Variants in LAMB1 observed in about 807,000 individuals in gnomAD.
LAMB1 encodes the protein laminin subunit beta-1.
A neutral mutation model predicts 222.3 loss-of-function variants in LAMB1; 121 were observed. The ratio of observed to expected loss-of-function variants is 0.54; its 90% confidence interval spans 0.47 to 0.63. The LOEUF (loss-of-function observed/expected upper bound fraction) is 0.63. Among genes scored for constraint, LAMB1 ranks in the 30% least tolerant of loss-of-function variants. The pLI is 0.00. For synonymous variants in LAMB1, 794 were observed against 807.2 expected (o/e 0.98, Z 0.28); for missense variants, 2,172 against 2,240.8 (o/e 0.97, Z 0.62).
intron 11 of LAMB1, 67 bp from the exon 12 acceptor site, chr7:107,975,165 G>C (rs906405711): frequency 2.3e-5 from 36 of 1,561,480 alleles, no homozygotes; most frequent in Non-Finnish European, 3.0e-5. Context: ...ATCTGGCTTT[G>C]GAATTACAAA....
At chr7:107,933,492 T>C (rs927965965) in intron 27 of LAMB1, among the ~76,000 whole-genome samples, 1 of 152,150 alleles carries the variant, frequency 6.6e-6, no homozygotes, top group Non-Finnish European at 1.5e-5. Context: ...TTCTGCATGC[T>C]GTAAAACATG....
chr7:108,001,809 G>C, intron 2 of LAMB1, 76 bp from the exon 3 acceptor site: 1 of 1,578,278 alleles, frequency 6.3e-7, no homozygotes, highest in East Asian at 2.3e-5. Context: ...ACAAGCGGGG[G>C]CGGGGGAGTG....
Position 108,002,849 on chromosome 7 carries a change from C to G in LAMB1, c.37G>C (p.Ala13Pro). Residue 13 changes from alanine (A) to proline (P), a missense_variant and splice_region_variant, in exon 2 of 34, where the codon GCC (alanine) becomes CCC (proline). By Grantham distance (27) the Ala-to-Pro change is conservative. Transcript: ENST00000222399. ...CCCCGCACCGTTTCCACGGAATTAC[C>G]TAAGAAACTGAAAGCTAGCAACTGG... Reference protein sequence around the residue: ...LLQLLAFSFLALCRARVRAQE... With the variant: ...LLQLLAFSFLPLCRARVRAQE... 1 of 1,614,150 alleles carries G rather than the reference C, an allele frequency of 6.2e-7. No individual in the cohort carries two copies. Among genetic ancestry groups the G allele is most frequent in the Non-Finnish European group, 8.5e-7 (1 of 1,180,010 alleles).
Position 107,998,464 on chromosome 7 carries a change from GA to G in LAMB1, c.241del (p.Ser81ProfsTer9), listed in dbSNP as rs1185856491. The G allele has an allele frequency of 1.2e-6, 2 of 1,613,774 alleles. No individual in the cohort carries two copies. Among genetic ancestry groups the G allele is most frequent in the Admixed American group, 3.3e-5 (2 of 60,004 alleles). On this transcript the variant is annotated frameshift_variant, in exon 4 of 34. Coordinates refer to ENST00000222399, the MANE Select transcript of LAMB1 (RefSeq NM_002291.3). LOFTEE classifies it high-confidence loss of function. ...QEDKKCFICN[S>X]QDPYHETLNP... ...CAGGGTCTCATGATAAGGATCTTGG[GA>G]ATTGCATATGAAGCATTTTTTGTCC... is the stretch of plus-strand genomic sequence containing the variant.
At chr7:107,951,436 C>T in intron 23 of LAMB1, 114 bp from the exon 24 acceptor site, 1 of 858,656 alleles carries the variant, frequency 1.2e-6, no homozygotes, top group Non-Finnish European at 1.8e-6. Flanking sequence ...CTGAGAAGGT[C>T]TCCATTGACT....
chr7:107,970,299 C>T (rs1562995923), intron 13 of LAMB1, among the ~76,000 whole-genome samples: 1 of 152,138 alleles, frequency 6.6e-6, no homozygotes, highest in East Asian at 1.9e-4. Flanking sequence ...ACCAGCCTGA[C>T]CAACATGGTG....
chr7:107,979,227 A>C (rs1368487581), intron 8 of LAMB1, among the ~76,000 whole-genome samples: 3 of 152,356 alleles, frequency 2.0e-5, no homozygotes. Context: ...GATTAGAGAA[A>C]TACCTCCCTC....
At position 107,923,907 on chromosome 7, in the gene LAMB1, G is replaced by GTTGTT; in HGVS notation, c.*39_*43dup. 6.5e-7 allele frequency: 1 copy of GTTGTT among 1,544,222 alleles called. No homozygotes were observed. The highest frequency in any genetic ancestry group is 1.7e-4 in the Middle Eastern group (1 of 5,792). On this transcript the variant is annotated 3_prime_UTR_variant, in exon 34 of 34. Transcript: ENST00000222399. ...GCATTAAGTCAGTTTTTAAAATGTAGTTGTTTTACCTTGTTCACCTCAGCC... is the reference window on the plus strand; with the variant it reads ...GCATTAAGTCAGTTTTTAAAATGTAGTTGTTTTGTTTTACCTTGTTCACCTCAGCC...
At chr7:107,973,123 C>T in intron 12 of LAMB1, 52 bp from the exon 13 acceptor site, 3 of 1,415,268 alleles carry the variant, frequency 2.1e-6, no homozygotes, top group Non-Finnish European at 3.0e-6. Context: ...AATTATGCAA[C>T]AGACTCAGCA....
intron 8 of LAMB1, among the ~76,000 whole-genome samples, chr7:107,979,705 A>T (rs1179765979): frequency 6.6e-6 from 1 of 152,236 alleles, no homozygotes; most frequent in Non-Finnish European, 1.5e-5. Context: ...AAAGAATGGA[A>T]TTAGGAGGAA....
chr7:107,970,271 G>C (rs1437759096), intron 13 of LAMB1, among the ~76,000 whole-genome samples: 1 of 152,058 alleles, frequency 6.6e-6, no homozygotes, highest in African/African-American at 2.4e-5. Flanking sequence ...CAGATCACTT[G>C]AGGGTCAGAA....
intron 32 of LAMB1, among the ~76,000 whole-genome samples, chr7:107,924,880 A>C (rs2116302708): frequency 6.6e-6 from 1 of 152,364 alleles, no homozygotes; most frequent in East Asian, 1.9e-4. Flanking sequence ...AGTGAGGAGA[A>C]GAGAAATGGG....
In LAMB1 at chr7:107,999,196, A is replaced by G. The variant is rs142480154; in HGVS notation, c.214-704T>C. On this transcript the variant is annotated intron_variant, in intron 3 of 33. Coordinates refer to ENST00000222399, the MANE Select transcript of LAMB1 (RefSeq NM_002291.3). ...GAAGATAGACTGTAAGTTTTAGGTT[A>G]GCTTTGAATTTCTCTTACTTTCTTT... Among the ~76,000 whole-genome samples the G allele has an allele frequency of 1.7e-3, 258 of 152,374 alleles. 1 individual carries two copies. The highest frequency in any genetic ancestry group is 6.0e-3 in the African/African-American group (249 of 41,586).
chr7:107,932,628 T>G (rs957748867), intron 27 of LAMB1: 1 of 545,710 alleles, frequency 1.8e-6, no homozygotes, highest in Admixed American at 3.1e-5. Context: ...GTTAAAATAC[T>G]ATATGAGCTC....
intron 2 of LAMB1, 80 bp from the exon 3 acceptor site, chr7:108,001,813 G>T: frequency 2.5e-6 from 4 of 1,573,930 alleles, no homozygotes; most frequent in Non-Finnish European, 3.5e-6. Context: ...GCGGGGGCGG[G>T]GGAGTGGGTG....
chr7:107,924,243 C>T lies in LAMB1; in HGVS notation c.5211G>A (p.Leu1737=). ...KTLLAQANSK[L]QLLKDLERKY... ...GAAAAGACCCACCTTTGAGCAGTTGCAGCTTGCTATTTGCTTGAGCTAAAA... is the reference window on the plus strand; with the variant it reads ...GAAAAGACCCACCTTTGAGCAGTTGTAGCTTGCTATTTGCTTGAGCTAAAA... Residue 1737 remains leucine, a synonymous_variant, in exon 33 of 34, where the codon CTG becomes CTA. Transcript: ENST00000222399. 1 of 1,609,396 alleles carries T rather than the reference C, an allele frequency of 6.2e-7. No individual in the cohort carries two copies. The highest frequency in any genetic ancestry group is 8.5e-7 in the Non-Finnish European group (1 of 1,178,650).
At chr7:107,951,163 C>T (rs1032319103) in intron 24 of LAMB1, 63 bp downstream of exon 24, 2 of 1,233,068 alleles carry the variant, frequency 1.6e-6, no homozygotes, top group African/African-American at 3.0e-5. Flanking sequence ...ACAGAAGGCT[C>T]TTGTAGAACC....
chr7:107,965,391 C>A (rs185534753), intron 13 of LAMB1, among the ~76,000 whole-genome samples: 285 of 152,256 alleles, frequency 1.9e-3, no homozygotes, highest in African/African-American at 6.2e-3. Flanking sequence ...ACCAGCCTCA[C>A]CAACATGGAG....
intron 5 of LAMB1, among the ~76,000 whole-genome samples, chr7:107,986,642 A>G (rs968680057): frequency 4.6e-5 from 7 of 152,202 alleles, no homozygotes; most frequent in Admixed American, 3.9e-4. Context: ...CCTAAATAGC[A>G]AACACACTTT....
Sources: gnomAD v4.1 joint callset for allele counts (sites outside exome capture counted in the v4.1 genomes callset) on GRCh38, gnomAD v4.1.1 for gene constraint, MANE v1.5 for transcripts, NCBI Gene and HGNC (gene_info 2026-07-23, HGNC 2026-07-21) for gene names.